Variants in COL4A4 observed in about 807,000 individuals in gnomAD.
COL4A4 encodes collagen type IV alpha 4 chain, also known as collagen alpha-4(IV) chain.
A neutral mutation model predicts 192.9 loss-of-function variants in COL4A4; 105 were observed. The ratio of observed to expected loss-of-function variants is 0.54; its 90% CI spans 0.46 to 0.64. The LOEUF is 0.64. Among genes scored for constraint, COL4A4 ranks in the 30% least tolerant of loss-of-function variants. COL4A4 has a pLI of 0.00. For synonymous variants in COL4A4, 762 were observed against 769.9 expected, an observed-to-expected ratio of 0.99 and a Z score of 0.17; for missense variants, 1,967 against 2,169.3, an observed-to-expected ratio of 0.91 and a Z score of 1.85.
At chr2:226,991,386 T>G in the COL4A4 span, among the ~76,000 whole-genome samples, 3 of 152,288 alleles carry the variant, frequency 2.0e-5, no homozygotes, top group East Asian at 3.9e-4. Context: ...TTCACCACGT[T>G]GGCCCGGATG....
chr2:227,034,022 G>T (rs532102013), intron 37 of COL4A4, among the ~76,000 whole-genome samples: 1 of 152,176 alleles, frequency 6.6e-6, no homozygotes, highest in Non-Finnish European at 1.5e-5. Flanking sequence ...GGCGAGTGTG[G>T]CTCCAGCTAT....
chr2:227,111,396 C>T (rs1255358235), intron 9 of COL4A4, among the ~76,000 whole-genome samples: 4 of 152,102 alleles, frequency 2.6e-5, no homozygotes, highest in African/African-American at 4.8e-5. Context: ...AGTAATGTCA[C>T]GAGATCATTA....
At chr2:227,118,197 T>C (rs138034726) in intron 7 of COL4A4, among the ~76,000 whole-genome samples, 1 of 152,250 alleles carries the variant, frequency 6.6e-6, no homozygotes, top group African/African-American at 2.4e-5. Context: ...TTCCAACTAT[T>C]ATAATAAGTG....
intron 25 of COL4A4, among the ~76,000 whole-genome samples, chr2:227,064,798 T>C (rs1030397274): frequency 2.0e-5 from 3 of 152,138 alleles, no homozygotes; most frequent in Non-Finnish European, 4.4e-5. Context: ...ATTTCATAAA[T>C]GAAGGAGAAA....
At chr2:226,999,283 G>C (rs1960356049), downstream of COL4A4, 1 of 152,226 alleles carries the variant, frequency 6.6e-6, no homozygotes, top group East Asian at 1.9e-4. Flanking sequence ...TATCATTGTA[G>C]GTCTTTTTTT....
chr2:227,051,164 GA>G lies in COL4A4; in HGVS notation c.2969-7del. ...CCCGGGAGTTCCTTTATCACCTGAT[GA>G]AGTTGGAAGTGTTACAGGTCTCTGC... On this transcript the variant is annotated splice_polypyrimidine_tract_variant and splice_region_variant and intron_variant, in intron 32 of 47. Transcript: ENST00000396625. 6.2e-7 allele frequency: 1 copy of G among 1,614,008 alleles called. No homozygotes were observed. The highest frequency in any genetic ancestry group is 2.2e-5 in the East Asian group (1 of 44,880).
At chr2:227,109,753 A>C (rs2061086617) in intron 9 of COL4A4, among the ~76,000 whole-genome samples, 1 of 152,034 alleles carries the variant, frequency 6.6e-6, no homozygotes, top group Non-Finnish European at 1.5e-5. Flanking sequence ...CTCAAAAAAA[A>C]AAAAAAAGCA....
intron 44 of COL4A4, among the ~76,000 whole-genome samples, chr2:227,021,149 G>A (rs1965935178): frequency 6.6e-6 from 1 of 152,110 alleles, no homozygotes; most frequent in South Asian, 2.1e-4. Flanking sequence ...TTACAGGCGT[G>A]AGCCACTGCG....
At chr2:227,087,758 CTCT>C in intron 22 of COL4A4, among the ~76,000 whole-genome samples, 1 of 152,320 alleles carries the variant, frequency 6.6e-6, no homozygotes, top group East Asian at 1.9e-4. Context: ...TATTGTCTCA[CTCT>C]TCTTAAAACT....
chr2:227,061,053 A>T (rs1440571223), intron 26 of COL4A4, among the ~76,000 whole-genome samples: 1 of 152,082 alleles, frequency 6.6e-6, no homozygotes, highest in East Asian at 1.9e-4. Flanking sequence ...ACCTTCTGTG[A>T]TTTTCTACAA....
chr2:227,010,395 G>A lies in COL4A4; in HGVS notation c.4440C>T (p.Cys1480=), dbSNP rs774471575. 1.2e-6 allele frequency: 2 copies of A among 1,614,196 alleles called. No homozygotes were observed. Among genetic ancestry groups the A allele is most frequent in the South Asian group, 1.1e-5 (1 of 91,080 alleles). Reference sequence around the variant, plus strand: ...TCCAGAGCCTGGGCATGCCCAGGGGGCAGGTGGGCTCCTGGTCCGTCTGAC... The same window carrying A: ...TCCAGAGCCTGGGCATGCCCAGGGGACAGGTGGGCTCCTGGTCCGTCTGAC... ...LHSQTDQEPT[C]PLGMPRLWTG... Residue 1480 remains cysteine (C), a synonymous_variant, in exon 46 of 48, where the codon TGC becomes TGT. Coordinates refer to ENST00000396625, the MANE Select transcript of COL4A4 (RefSeq NM_000092.5).
chr2:227,063,472 C>T (rs1456406630), intron 25 of COL4A4, among the ~76,000 whole-genome samples: 2 of 152,082 alleles, frequency 1.3e-5, no homozygotes, highest in Non-Finnish European at 2.9e-5. Flanking sequence ...AAGATACTTG[C>T]TTGCCTTTCT....
intron 44 of COL4A4, among the ~76,000 whole-genome samples, chr2:227,018,800 G>C (rs115204652): frequency 2.0e-5 from 3 of 152,144 alleles, no homozygotes; most frequent in Non-Finnish European, 1.5e-5. Context: ...CTGTGGCCAC[G>C]TGCAGCAGAT....
intron 30 of COL4A4, among the ~76,000 whole-genome samples, chr2:227,055,670 C>G (rs960392171): frequency 6.6e-6 from 1 of 152,044 alleles, no homozygotes; most frequent in Non-Finnish European, 1.5e-5. Flanking sequence ...TGAAAATGCA[C>G]CCTTCCCGAC....
At chr2:227,128,026 G>A (rs555286614) in intron 4 of COL4A4, among the ~76,000 whole-genome samples, 1 of 152,290 alleles carries the variant, frequency 6.6e-6, no homozygotes, top group Admixed American at 6.5e-5. Context: ...TATGGATTAT[G>A]TGGCTGCCAT....
the COL4A4 span, chr2:226,988,421 C>T: frequency 1.3e-6 from 2 of 1,550,486 alleles, no homozygotes; most frequent in South Asian, 1.2e-5. Context: ...CCTGGGAAGC[C>T]TGAAGCAGGC....
downstream of COL4A4, among the ~76,000 whole-genome samples, chr2:227,001,934 A>G (rs1477199484): frequency 4.6e-5 from 7 of 152,226 alleles, no homozygotes; most frequent in Admixed American, 2.6e-4. Flanking sequence ...ATGCTTTGGA[A>G]GGCTGAGGCA....
intron 35 of COL4A4, among the ~76,000 whole-genome samples, chr2:227,045,844 A>ATG (rs1972483712): frequency 4.7e-5 from 3 of 63,428 alleles, no homozygotes; most frequent in African/African-American, 2.3e-4. Flanking sequence ...ACACATATAT[A>ATG]TATACACATA....
At chr2:227,144,626 G>C in intron 2 of COL4A4, 68 bp from the exon 3 acceptor site, 1 of 1,292,984 alleles carries the variant, frequency 7.7e-7, no homozygotes, top group South Asian at 1.2e-5. Flanking sequence ...AAGAAAAAGA[G>C]TAAAGGAATT....
Sources: gnomAD v4.1 joint callset for allele counts (sites outside exome capture counted in the v4.1 genomes callset) on GRCh38, gnomAD v4.1.1 for gene constraint, MANE v1.5 for transcripts, NCBI Gene and HGNC (gene_info 2026-07-23, HGNC 2026-07-21) for gene names.